Variants in KHDC4 observed in about 807,000 individuals in gnomAD.
KHDC4 encodes the protein KH domain containing 4, pre-mRNA splicing factor.
A neutral mutation model predicts 74.5 loss-of-function variants in KHDC4; 19 were observed. The observed-to-expected ratio is 0.26, with a 90% CI of 0.18 to 0.37. KHDC4 has a LOEUF of 0.37. Ranked by LOEUF, KHDC4 falls within the 10% of genes least tolerant of loss-of-function variation. The probability of loss-of-function intolerance (pLI) is 1.00; values close to 1 mark genes in which losing one functional copy is unlikely to be tolerated. For missense variants in KHDC4, 632 were observed against 754.1 expected (o/e 0.84, Z 1.90); for synonymous variants, 253 against 266.1 (o/e 0.95, Z 0.48).
At chr1:155,917,454 T>A in intron 11 of KHDC4, 45 bp downstream of exon 11, 1 of 1,422,074 alleles carries the variant, frequency 7.0e-7, no homozygotes, top group Non-Finnish European at 9.9e-7. Context: ...GAGAATATAG[T>A]AGAAGAATAA....
In KHDC4 at chr1:155,929,790, C is replaced by G. The variant is rs1674103422; in HGVS notation, c.306G>C (p.Leu102=). ...CATTAATTTCTACTTCAGCTACCAC[C>G]AGGTCATCCTTGCTTTTATTGCTAG... ...GLTSNKSKDD[L]VVAEVEINDV... The change falls in exon 3 of 14, where the codon CTG becomes CTC. Residue 102 remains leucine, a synonymous_variant. Coordinates refer to ENST00000368321, the MANE Select transcript of KHDC4 (RefSeq NM_014949.4). The G allele has an allele frequency of 1.2e-6, 2 of 1,611,928 alleles. No homozygotes were observed. The highest frequency in any genetic ancestry group is 1.3e-5 in the African/African-American group (1 of 74,836).
intron 10 of KHDC4, among the ~76,000 whole-genome samples, chr1:155,920,361 C>T (rs577489011): frequency 2.0e-5 from 3 of 152,218 alleles, no homozygotes; most frequent in African/African-American, 7.2e-5. Context: ...TGGCGTGAAC[C>T]TGGGAGGCGG....
chr1:155,914,965 A>G (rs1376453236), intron 13 of KHDC4: 1 of 152,284 alleles, frequency 6.6e-6, no homozygotes, highest in East Asian at 1.9e-4. Context: ...GTATAAAATA[A>G]GTCGACTAAC....
intron 11 of KHDC4, among the ~76,000 whole-genome samples, chr1:155,917,188 G>GAAAA (rs1264804608): frequency 6.6e-6 from 1 of 152,110 alleles, no homozygotes; most frequent in African/African-American, 2.4e-5. Context: ...GTCTTGAGGG[G>GAAAA]TGGGGAGACT....
Position 155,917,662 on chromosome 1 carries a change from C to A in KHDC4, c.1277G>T (p.Gly426Val). Residue 426 changes from glycine (G) to valine (V), a missense_variant, in exon 11 of 14, where the codon GGT (glycine) becomes GTT (valine). This residue lies in a region of KHDC4 where 254 missense variants were observed against 267.4 expected (regional missense o/e 0.95). Transcript: ENST00000368321. ...AGGAGCAGCAGGAATAAAAGGACCA[C>A]CCATCGGACTCTGGGACCAAAACAA... ...PPASTGQSPM[G>V]GPFIPAAPVK... is the part of the protein sequence containing the mutation. 1.3e-6 allele frequency: 2 copies of A among 1,547,804 alleles called. No homozygotes were observed. The highest frequency in any genetic ancestry group is 1.7e-6 in the Non-Finnish European group (2 of 1,152,658).
intron 13 of KHDC4, chr1:155,914,559 C>CA (rs1043105797): frequency 1.5e-5 from 6 of 394,812 alleles, no homozygotes; most frequent in African/African-American, 1.3e-4. Context: ...AAAAGAAACA[C>CA]AAAAAAAGAA....
chr1:155,917,318 G>C (rs1401543400), intron 11 of KHDC4, among the ~76,000 whole-genome samples, 181 bp downstream of exon 11: 1 of 152,118 alleles, frequency 6.6e-6, no homozygotes, highest in Non-Finnish European at 1.5e-5. Context: ...AGATGTATAA[G>C]AAAGTAAGAA....
At position 155,923,697 on chromosome 1, in the gene KHDC4, A is replaced by T. The variant is rs372203969; in HGVS notation, c.894-10T>A. On this transcript the variant is annotated splice_polypyrimidine_tract_variant and intron_variant, in intron 7 of 13. Transcript: ENST00000368321. ...TTCTGGTTTGGGGTGACTGCAAAGA[A>T]ATAACCAGGAATTCAAAGGAGAGAA... 55 of 1,603,078 alleles carry T rather than the reference A, an allele frequency of 3.4e-5. No individual in the cohort carries two copies. Among genetic ancestry groups the T allele is most frequent in the Non-Finnish European group, 4.5e-5 (53 of 1,170,344 alleles).
At position 155,934,387 on chromosome 1, in the gene KHDC4, A is replaced by T. The variant is rs760111538; in HGVS notation, c.-14T>A. The stretch of plus-strand genomic sequence containing the variant: ...CCCCGCGGACATGGCGACCGCTTCT[A>T]CTCAACCACCCGCCAACTATCCGAC... On this transcript the variant is annotated 5_prime_UTR_variant, in exon 1 of 14. Coordinates refer to ENST00000368321, the MANE Select transcript of KHDC4 (RefSeq NM_014949.4). 6.2e-7 allele frequency: 1 copy of T among 1,611,346 alleles called. No homozygotes were observed. Among genetic ancestry groups the T allele is most frequent in the Non-Finnish European group, 8.5e-7 (1 of 1,179,632 alleles).
intron 1 of KHDC4, 111 bp from the exon 2 acceptor site, chr1:155,933,960 C>T (rs1247914373): frequency 2.4e-6 from 2 of 825,988 alleles, no homozygotes; most frequent in Non-Finnish European, 3.6e-6. Flanking sequence ...ATTTACACCT[C>T]CGAATCACCT....
rs1673757795 is a variant in KHDC4 at position 155,917,544 on chromosome 1, T to G, written c.1395A>C (p.Thr465=). ...ATTCCCGTTCATCTGGTAGCTCCTC[T>G]GTGAATCGTCTCTTCTGTGCCTGGG... ...SQPQAQKRRF[T]EELPDERESG... is the part of the protein sequence containing the mutation. Residue 465 remains threonine (T), a synonymous_variant, in exon 11 of 14, where the codon ACA becomes ACC. Coordinates refer to ENST00000368321, the MANE Select transcript of KHDC4 (RefSeq NM_014949.4). The G allele has an allele frequency of 6.2e-7, 1 of 1,609,718 alleles. No individual in the cohort carries two copies. Among genetic ancestry groups the G allele is most frequent in the Non-Finnish European group, 8.5e-7 (1 of 1,179,334 alleles).
At chr1:155,925,005 G>A (rs906230117) in intron 7 of KHDC4, among the ~76,000 whole-genome samples, 1 of 149,750 alleles carries the variant, frequency 6.7e-6, no homozygotes, top group Non-Finnish European at 1.5e-5. Context: ...CTGGGATTAA[G>A]GTGTACACCA....
intron 2 of KHDC4, among the ~76,000 whole-genome samples, chr1:155,933,291 CTTT>C (rs34151525): frequency 6.3e-5 from 9 of 143,846 alleles, no homozygotes; most frequent in East Asian, 4.0e-4. Flanking sequence ...TTACAAACAA[CTTT>C]TTTTTTTTTT....
chr1:155,914,098 T>A lies in KHDC4; in HGVS notation c.*23A>T. 5 of 1,598,448 alleles carry A rather than the reference T, an allele frequency of 3.1e-6. No homozygotes were observed. The highest frequency in any genetic ancestry group is 4.3e-6 in the Non-Finnish European group (5 of 1,165,778). The stretch of plus-strand genomic sequence containing the variant: ...TATTGCTAAGAAGAGTCACTGAGGG[T>A]CAAAACTCTGTTCCACTGTTTCCTA... On this transcript the variant is annotated 3_prime_UTR_variant, in exon 14 of 14. Coordinates refer to ENST00000368321, the MANE Select transcript of KHDC4 (RefSeq NM_014949.4).
intron 2 of KHDC4, among the ~76,000 whole-genome samples, 177 bp from the exon 3 acceptor site, chr1:155,930,017 A>G (rs1674108323): frequency 6.6e-6 from 1 of 152,080 alleles, no homozygotes; most frequent in African/African-American, 2.4e-5. Flanking sequence ...GGTTCAAGCA[A>G]TTCTCCTGCC....
Position 155,926,848 on chromosome 1 carries a change from AAC to A in KHDC4, c.518-11_518-10del, listed in dbSNP as rs1674011729. 1.2e-6 allele frequency: 2 copies of A among 1,613,920 alleles called. No homozygotes were observed. Among genetic ancestry groups the A allele is most frequent in the South Asian group, 1.1e-5 (1 of 91,074 alleles). ...GATCCGGTTTACAGCTCCTTAGAAA[AAC>A]ACAGACAGTAAAACTGAATGGAATG... is the stretch of plus-strand genomic sequence containing the variant. On this transcript the variant is annotated splice_polypyrimidine_tract_variant and intron_variant, in intron 5 of 13. Transcript: ENST00000368321.
chr1:155,930,165 G>A (rs1572014291), intron 2 of KHDC4, among the ~76,000 whole-genome samples: 2 of 152,180 alleles, frequency 1.3e-5, no homozygotes, highest in South Asian at 2.1e-4. Context: ...CACCTACCTC[G>A]GCCTCCCAAA....
In KHDC4 at chr1:155,921,643, A is replaced by G; in HGVS notation, c.1013-15T>C. On this transcript the variant is annotated splice_polypyrimidine_tract_variant and intron_variant, in intron 9 of 13. Transcript: ENST00000368321. ...TTGTGTATAGCCTGAGGGGGAAGAA[A>G]AAAAGTGTTTAATCAGCTGCAGCAG... The G allele has an allele frequency of 6.2e-7, 1 of 1,603,318 alleles. No individual in the cohort carries two copies. The highest frequency in any genetic ancestry group is 8.5e-7 in the Non-Finnish European group (1 of 1,171,708).
At position 155,934,357 on chromosome 1, in the gene KHDC4, G is replaced by A. The variant is rs760009208; in HGVS notation, c.17C>T (p.Ala6Val). ...GTACCCGCCAGCTCCAGGATGTGTC[G>A]CGCTCCCCGCGGACATGGCGACCGC... is the stretch of plus-strand genomic sequence containing the variant. MSAGSATHPGAGGRRS... is the reference protein window; with the variant it reads MSAGSVTHPGAGGRRS... Residue 6 changes from alanine to valine, a missense_variant, in exon 1 of 14, where the codon GCG (alanine) becomes GTG (valine). By Grantham distance (64) the Ala-to-Val change is moderately conservative. Around this residue, in one of 4 missense-constraint regions of KHDC4, gnomAD observed 104 missense variants for 78.1 expected, o/e 1.33. Coordinates refer to ENST00000368321, the MANE Select transcript of KHDC4 (RefSeq NM_014949.4). The A allele has an allele frequency of 6.2e-7, 1 of 1,611,084 alleles. No individual in the cohort carries two copies. Among genetic ancestry groups the A allele is most frequent in the African/African-American group, 1.3e-5 (1 of 75,016 alleles).
Sources: allele counts gnomAD v4.1 joint callset (sites outside exome capture counted in the v4.1 genomes callset), GRCh38; gene constraint gnomAD v4.1.1; regional missense constraint gnomAD v4.1.1; transcripts MANE v1.5; gene names NCBI Gene and HGNC (gene_info 2026-07-23, HGNC 2026-07-21).